DTNA: variants seen among roughly 807,000 people sequenced by gnomAD.
The protein encoded by DTNA is dystrobrevin alpha.
A neutral mutation model predicts 100.7 loss-of-function variants in DTNA; 43 were observed. The ratio of observed to expected loss-of-function variants is 0.43; its 90% CI spans 0.33 to 0.55. The LOEUF (loss-of-function observed/expected upper bound fraction) is 0.55. Among genes scored for constraint, DTNA ranks in the 20% least tolerant of loss-of-function variants. DTNA has a pLI of 0.04. For missense variants in DTNA, 798 were observed against 953.9 expected (o/e 0.84, Z 2.15); for synonymous variants, 349 against 347.9 (o/e 1.00, Z -0.04).
At chr18:34,506,115 G>A (rs1030147823) in intron 1 of DTNA, among the ~76,000 whole-genome samples, 2 of 152,170 alleles carry the variant, frequency 1.3e-5, no homozygotes, top group African/African-American at 4.8e-5. Flanking sequence ...CAGCTATGAA[G>A]GGTAGAAGTG....
At chr18:34,779,429 T>C (rs1383836916) in intron 3 of DTNA, among the ~76,000 whole-genome samples, 1 of 152,208 alleles carries the variant, frequency 6.6e-6, no homozygotes, top group Non-Finnish European at 1.5e-5. Flanking sequence ...AGAAACCTGA[T>C]ATGCACATTC....
At chr18:34,539,657 T>C (rs1014827396) in intron 1 of DTNA, among the ~76,000 whole-genome samples, 3 of 151,950 alleles carry the variant, frequency 2.0e-5, no homozygotes, top group African/African-American at 7.2e-5. Context: ...TCTTGACTTC[T>C]AAGTTACCAG....
intron 1 of DTNA, among the ~76,000 whole-genome samples, chr18:34,524,764 A>ATTT (rs1487755517): frequency 2.8e-4 from 42 of 151,084 alleles, no homozygotes; most frequent in African/African-American, 1.0e-3. Context: ...TTTTTTTTTA[A>ATTT]AAAAAAGGTT....
At chr18:34,560,254 G>A (rs1228333694) in intron 1 of DTNA, among the ~76,000 whole-genome samples, 1 of 152,152 alleles carries the variant, frequency 6.6e-6, no homozygotes, top group Non-Finnish European at 1.5e-5. Context: ...AGCAGGAACT[G>A]TATTTTCATT....
At chr18:34,849,085 C>G (rs559779738) in intron 14 of DTNA, among the ~76,000 whole-genome samples, 1 of 152,196 alleles carries the variant, frequency 6.6e-6, no homozygotes, top group Non-Finnish European at 1.5e-5. Context: ...GACTGTAACA[C>G]TGTTAGAAAC....
At chr18:34,498,357 C>T (rs1340970228) in intron 1 of DTNA, among the ~76,000 whole-genome samples, 7 of 151,226 alleles carry the variant, frequency 4.6e-5, no homozygotes, top group Admixed American at 1.3e-4. Context: ...GGTGTGAACC[C>T]GGGAGGCAGA....
chr18:34,888,540 A>T lies in DTNA; in HGVS notation c.*806A>T. On this transcript the variant is annotated 3_prime_UTR_variant, in exon 23 of 23. Coordinates refer to ENST00000444659, the MANE Select transcript of DTNA (RefSeq NM_001386795.1). Reference sequence around the variant, plus strand: ...ATTTAGTGTAAATATTTTTTTTTCCAAATAGATATCATATTCAAAAAAGGC... The same window carrying T: ...ATTTAGTGTAAATATTTTTTTTTCCTAATAGATATCATATTCAAAAAAGGC... 1.0e-6 allele frequency: 1 copy of T among 985,534 alleles called. No individual in the cohort carries two copies. The highest frequency in any genetic ancestry group is 1.7e-5 in the African/African-American group (1 of 57,338). 61.0% of individuals were successfully genotyped at this position (985,534 alleles called of 1,614,324 possible).
At chr18:34,568,978 T>A (rs1254486425) in intron 1 of DTNA, among the ~76,000 whole-genome samples, 1 of 152,222 alleles carries the variant, frequency 6.6e-6, no homozygotes, top group Non-Finnish European at 1.5e-5. Context: ...CAATCAAGAC[T>A]CTTGAACATC....
intron 15 of DTNA, among the ~76,000 whole-genome samples, chr18:34,854,304 T>C (rs1156314310): frequency 6.6e-6 from 1 of 152,258 alleles, no homozygotes; most frequent in African/African-American, 2.4e-5. Flanking sequence ...GAACAAAATA[T>C]TACGGTTGAT....
At chr18:34,578,269 T>C (rs1227693903) in intron 1 of DTNA, among the ~76,000 whole-genome samples, 2 of 152,198 alleles carry the variant, frequency 1.3e-5, no homozygotes, top group Admixed American at 1.3e-4. Flanking sequence ...CATTTGTATA[T>C]CTTCTTTTGA....
At chr18:34,789,885 C>T (rs1330803570) in intron 3 of DTNA, among the ~76,000 whole-genome samples, 1 of 152,050 alleles carries the variant, frequency 6.6e-6, no homozygotes. Flanking sequence ...ATGCCCTATT[C>T]CAAGTGTTTT....
At chr18:34,620,012 A>G (rs1468728278) in intron 1 of DTNA, among the ~76,000 whole-genome samples, 1 of 152,184 alleles carries the variant, frequency 6.6e-6, no homozygotes, top group African/African-American at 2.4e-5. Flanking sequence ...TGGTTTTACC[A>G]AAACCAAGGG....
chr18:34,885,094 T>C (rs1019177488), intron 22 of DTNA, among the ~76,000 whole-genome samples: 1 of 152,148 alleles, frequency 6.6e-6, no homozygotes, highest in Non-Finnish European at 1.5e-5. Flanking sequence ...ACATCACCAA[T>C]CCATGACAAT....
Position 34,818,216 on chromosome 18 carries a change from T to C in DTNA, c.762T>C (p.Phe254=). 6.2e-7 allele frequency: 1 copy of C among 1,614,114 alleles called. No homozygotes were observed. Among genetic ancestry groups the C allele is most frequent in the Non-Finnish European group, 8.5e-7 (1 of 1,179,960 alleles). The change falls in exon 8 of 23, where the codon TTT becomes TTC. Residue 254 remains phenylalanine (F), a synonymous_variant. Coordinates refer to ENST00000444659, the MANE Select transcript of DTNA (RefSeq NM_001386795.1). ...SYCHSESMMG[F]RYRCQQCHNY... ...GCCACAGTGAGAGTATGATGGGATT[T>C]CGCTACCGATGCCAACAGTGTCACA...
At chr18:34,671,689 T>C (rs1302204941) in intron 1 of DTNA, among the ~76,000 whole-genome samples, 1 of 150,762 alleles carries the variant, frequency 6.6e-6, no homozygotes, top group Non-Finnish European at 1.5e-5. Context: ...CTACAAAATC[T>C]TTTTTTATTT....
chr18:34,627,965 T>G (rs964559690), intron 1 of DTNA, among the ~76,000 whole-genome samples: 1 of 152,138 alleles, frequency 6.6e-6, no homozygotes, highest in African/African-American at 2.4e-5. Context: ...GTTGTTGTTG[T>G]TGGGGGGTAG....
At chr18:34,878,793 C>T (rs989910997) in intron 19 of DTNA, among the ~76,000 whole-genome samples, 3 of 152,132 alleles carry the variant, frequency 2.0e-5, no homozygotes, top group Non-Finnish European at 2.9e-5. Flanking sequence ...TCTTACCAGT[C>T]ACTAATACAT....
chr18:34,539,978 A>T (rs1406178752), intron 1 of DTNA, among the ~76,000 whole-genome samples: 1 of 152,074 alleles, frequency 6.6e-6, no homozygotes, highest in East Asian at 1.9e-4. Flanking sequence ...TTAACCAAAA[A>T]TATATAAGTA....
intron 6 of DTNA, among the ~76,000 whole-genome samples, chr18:34,815,147 C>G (rs1289305789): frequency 6.6e-6 from 1 of 151,930 alleles, no homozygotes; most frequent in Non-Finnish European, 1.5e-5. Flanking sequence ...TATCCCATCC[C>G]CTTTGATATT....
Sources: allele counts gnomAD v4.1 joint callset (sites outside exome capture counted in the v4.1 genomes callset), GRCh38; gene constraint gnomAD v4.1.1; transcripts MANE v1.5; gene names NCBI Gene and HGNC (gene_info 2026-07-23, HGNC 2026-07-21).